SLC47A1: variants seen among roughly 807,000 people sequenced by gnomAD.
SLC47A1 encodes the protein multidrug and toxin extrusion protein 1.
SLC47A1 carries 58 observed loss-of-function variants against 65.8 expected under a neutral mutation model. The observed-to-expected ratio is 0.88, with a 90% CI of 0.71 to 1.10. SLC47A1 has a LOEUF of 1.10. Among genes scored for constraint, SLC47A1 ranks in the 50% least tolerant of loss-of-function variants. The pLI is 0.00. For missense variants in SLC47A1, 706 were observed against 719.2 expected, an observed-to-expected ratio of 0.98 and a Z score of 0.21; for synonymous variants, 285 against 295.0, an observed-to-expected ratio of 0.97 and a Z score of 0.35.
rs775930467 is a variant in SLC47A1 at position 19,566,778 on chromosome 17, T to G, written c.1107-12T>G. 3 of 1,614,034 alleles carry G rather than the reference T, an allele frequency of 1.9e-6. No homozygotes were observed. The highest frequency in any genetic ancestry group is 4.5e-5 in the East Asian group (2 of 44,880). On this transcript the variant is annotated splice_polypyrimidine_tract_variant and intron_variant, in intron 12 of 16. Coordinates refer to ENST00000270570, the MANE Select transcript of SLC47A1 (RefSeq NM_018242.3). ...TGTCTCCTAATCACCACGTGCTTTA[T>G]TTTCCTAACAGAGACATCATTAATC...
chr17:19,563,128 C>CTT (rs572651224), intron 12 of SLC47A1, among the ~76,000 whole-genome samples: 10,017 of 82,522 alleles, frequency 0.12, 1,098 homozygotes, highest in East Asian at 0.21. Context: ...TAAGAGAAAG[C>CTT]TTTTTTTTTT....
chr17:19,576,462 C>T (rs1024010014), intron 16 of SLC47A1, among the ~76,000 whole-genome samples: 8 of 151,178 alleles, frequency 5.3e-5, no homozygotes, highest in Admixed American at 5.3e-4. Context: ...GTGATCCTCC[C>T]ACCTCAGTCT....
intron 10 of SLC47A1, among the ~76,000 whole-genome samples, chr17:19,558,171 C>T (rs1916674165): frequency 6.6e-6 from 1 of 152,174 alleles, no homozygotes; most frequent in Admixed American, 6.5e-5. Flanking sequence ...CACTAATTTT[C>T]CCCTAGCGTC....
At chr17:19,555,720 G>C (rs1267730388) in intron 8 of SLC47A1, 30 bp downstream of exon 8, 2 of 1,613,604 alleles carry the variant, frequency 1.2e-6, no homozygotes, top group Non-Finnish European at 1.7e-6. Context: ...CTTCCAACTG[G>C]GATGTGGGTT....
At chr17:19,559,592 C>A (rs1256299987) in intron 10 of SLC47A1, among the ~76,000 whole-genome samples, 1 of 152,192 alleles carries the variant, frequency 6.6e-6, no homozygotes, top group East Asian at 1.9e-4. Flanking sequence ...AATGTAGTGG[C>A]ACTATCGCAG....
chr17:19,555,930 CG>C, intron 9 of SLC47A1, 21 bp downstream of exon 9: 1 of 1,613,910 alleles, frequency 6.2e-7, no homozygotes, highest in Non-Finnish European at 8.5e-7. Context: ...GGATGGATGA[CG>C]GGGACTGGTG....
intron 6 of SLC47A1, 65 bp downstream of exon 6, chr17:19,551,533 G>T: frequency 6.9e-7 from 1 of 1,444,372 alleles, no homozygotes; most frequent in South Asian, 1.1e-5. Context: ...GGGAATGGGG[G>T]CCCTGAAGAT....
chr17:19,552,954 A>G (rs1916495448), intron 6 of SLC47A1, among the ~76,000 whole-genome samples: 1 of 152,126 alleles, frequency 6.6e-6, no homozygotes, highest in Non-Finnish European at 1.5e-5. Flanking sequence ...AGTTATGGAC[A>G]TGATCCAAAC....
rs747310781 is a variant in SLC47A1, at chr17:19,578,271, G to A, written c.*718G>A. ...CTGATAATTCCTGGTAGGGGTGTGT[G>A]CGTGACGTACTGCAGCCTCAACCTC... is the stretch of plus-strand genomic sequence containing the variant. On this transcript the variant is annotated 3_prime_UTR_variant, in exon 17 of 17. Coordinates refer to ENST00000270570, the MANE Select transcript of SLC47A1 (RefSeq NM_018242.3). The A allele has an allele frequency of 2.5e-5, 8 of 324,752 alleles. No individual in the cohort carries two copies. The highest frequency in any genetic ancestry group is 4.2e-5 in the Non-Finnish European group (7 of 165,324). 20.1% of individuals were successfully genotyped at this position (324,752 alleles called of 1,614,324 possible).
chr17:19,566,926 G>C (rs1025785410), intron 13 of SLC47A1, 67 bp downstream of exon 13: 1 of 1,595,608 alleles, frequency 6.3e-7, no homozygotes, highest in South Asian at 1.1e-5. Context: ...TTTCAGCTGA[G>C]AGGAGGGGCC....
Position 19,577,326 on chromosome 17 carries a change from G to T in SLC47A1, c.1487-1G>T. The stretch of plus-strand genomic sequence containing the variant: ...GCTGCTAAGTTCCTTTTTCCTCCCA[G>T]GGTGCCCTGAAAACCTTGAAGGAAT... On this transcript the variant is annotated splice_acceptor_variant, in intron 16 of 16. Coordinates refer to ENST00000270570, the MANE Select transcript of SLC47A1 (RefSeq NM_018242.3). LOFTEE classifies it high-confidence loss of function. 6.2e-7 allele frequency: 1 copy of T among 1,613,004 alleles called. No individual in the cohort carries two copies. Among genetic ancestry groups the T allele is most frequent in the Admixed American group, 1.7e-5 (1 of 59,834 alleles).
intron 16 of SLC47A1, among the ~76,000 whole-genome samples, chr17:19,575,815 A>G (rs2084435276): frequency 6.6e-6 from 1 of 152,222 alleles, no homozygotes; most frequent in Non-Finnish European, 1.5e-5. Flanking sequence ...TGGTTCACTG[A>G]AAAATCAACT....
intron 6 of SLC47A1, among the ~76,000 whole-genome samples, chr17:19,554,993 C>T (rs1392333697): frequency 6.6e-6 from 1 of 152,050 alleles, no homozygotes; most frequent in Non-Finnish European, 1.5e-5. Flanking sequence ...TCTCTGTGGC[C>T]AGAACTCCGC....
At chr17:19,538,267 G>A (rs1916048015) in intron 1 of SLC47A1, among the ~76,000 whole-genome samples, 1 of 152,298 alleles carries the variant, frequency 6.6e-6, no homozygotes, top group South Asian at 2.1e-4. Context: ...TTGTAGTTAT[G>A]ATGGGATGCA....
chr17:19,577,417 C>A lies in SLC47A1; in HGVS notation c.1577C>A (p.Pro526His). ...GATCAGCAGATGCGCCAAGAAGAAC[C>A]TTTGCCGGAACATCCACAGGACGGC... Reference protein sequence around the residue: ...QSDQQMRQEEPLPEHPQDGAK... With the variant: ...QSDQQMRQEEHLPEHPQDGAK... Residue 526 changes from proline (P) to histidine (H), a missense_variant, in exon 17 of 17, where the codon CCT (proline) becomes CAT (histidine). Physicochemically the swap from Pro to His is moderately conservative, Grantham distance 77. Coordinates refer to ENST00000270570, the MANE Select transcript of SLC47A1 (RefSeq NM_018242.3). The A allele has an allele frequency of 6.2e-7, 1 of 1,614,174 alleles. No individual in the cohort carries two copies. Among genetic ancestry groups the A allele is most frequent in the East Asian group, 2.2e-5 (1 of 44,886 alleles).
rs747783818 is a variant in SLC47A1, at chr17:19,566,801, A to G, written c.1118A>G (p.Asn373Ser). The G allele has an allele frequency of 6.2e-7, 1 of 1,614,098 alleles. No homozygotes were observed. Among genetic ancestry groups the G allele is most frequent in the East Asian group, 2.2e-5 (1 of 44,884 alleles). ...TATTTTCCTAACAGAGACATCATTAATCTGGTGGCTCAGGTGGTTCCAATT... is the reference window on the plus strand; with the variant it reads ...TATTTTCCTAACAGAGACATCATTAGTCTGGTGGCTCAGGTGGTTCCAATT... The part of the protein sequence containing the change: ...YIFTTDRDII[N>S]LVAQVVPIYA... Residue 373 changes from asparagine to serine, a missense_variant, in exon 13 of 17, where the codon AAT (asparagine) becomes AGT (serine). Transcript: ENST00000270570.
At chr17:19,545,631 A>G (rs1322512141) in intron 2 of SLC47A1, among the ~76,000 whole-genome samples, 1 of 152,078 alleles carries the variant, frequency 6.6e-6, no homozygotes, top group Non-Finnish European at 1.5e-5. Context: ...AGCTGGGACT[A>G]CAGGAGCATG....
rs74943802 is a variant in SLC47A1 at position 19,549,371 on chromosome 17, G to A, written c.456-264G>A. ...CCGCCACCACACTTGGTTAATATTTGTATTTTTAGTAGAGACGGGGTTTTA... is the reference window on the plus strand; with the variant it reads ...CCGCCACCACACTTGGTTAATATTTATATTTTTAGTAGAGACGGGGTTTTA... On this transcript the variant is annotated intron_variant, in intron 4 of 16. Transcript: ENST00000270570. 7.1e-3 allele frequency among the ~76,000 whole-genome samples: 1,077 copies of A among 152,112 alleles called. 12 individuals are homozygous for A. The highest frequency in any genetic ancestry group is 0.025 in the African/African-American group (1,041 of 41,490).
Position 19,560,452 on chromosome 17 carries a change from A to C in SLC47A1, c.1065A>C (p.Leu355Phe). Reference protein sequence around the residue: ...LFAVAFSVLLLSCKDHVGYIF... With the variant: ...LFAVAFSVLLFSCKDHVGYIF... Reference sequence around the variant, plus strand: ...CTGTAGCCTTCAGTGTCCTGCTGTTAAGCTGTAAGGATCACGTGGGGTACA... The same window carrying C: ...CTGTAGCCTTCAGTGTCCTGCTGTTCAGCTGTAAGGATCACGTGGGGTACA... The change falls in exon 12 of 17, where the codon TTA becomes TTC. Residue 355 changes from leucine (L) to phenylalanine (F), a missense_variant. By Grantham distance (22) the Leu-to-Phe change is conservative. Coordinates refer to ENST00000270570, the MANE Select transcript of SLC47A1 (RefSeq NM_018242.3). 1.2e-6 allele frequency: 2 copies of C among 1,614,096 alleles called. No individual in the cohort carries two copies. Among genetic ancestry groups the C allele is most frequent in the Non-Finnish European group, 1.7e-6 (2 of 1,180,030 alleles).
Sources: gnomAD v4.1 joint callset for allele counts (sites outside exome capture counted in the v4.1 genomes callset) on GRCh38, gnomAD v4.1.1 for gene constraint, MANE v1.5 for transcripts, NCBI Gene and HGNC (gene_info 2026-07-23, HGNC 2026-07-21) for gene names.